KIAA1549L: variants seen among roughly 807,000 people sequenced by gnomAD.
The protein encoded by KIAA1549L is UPF0606 protein KIAA1549L.
Under a neutral mutation model 160.7 loss-of-function variants are expected in KIAA1549L, and 88 were observed. That is an observed-to-expected ratio of 0.55 (90% CI 0.46 to 0.65). The LOEUF (loss-of-function observed/expected upper bound fraction) is 0.65. KIAA1549L is among the 30% of genes least tolerant of loss of function. KIAA1549L has a pLI of 0.00. For synonymous variants in KIAA1549L, 950 were observed against 976.7 expected (o/e 0.97, Z 0.51); for missense variants, 2,258 against 2,437.5 (o/e 0.93, Z 1.55).
At chr11:33,549,249 A>T (rs1353904588) in intron 4 of KIAA1549L, among the ~76,000 whole-genome samples, 1 of 152,242 alleles carries the variant, frequency 6.6e-6, no homozygotes, top group African/African-American at 2.4e-5. Flanking sequence ...TTTGCCACAA[A>T]TAAAAGGTGA....
chr11:33,475,351 C>T (rs533679455), intron 1 of KIAA1549L, among the ~76,000 whole-genome samples: 2 of 152,258 alleles, frequency 1.3e-5, no homozygotes, highest in South Asian at 2.1e-4. Context: ...CGTTTAATGG[C>T]TCTTAAACAA....
chr11:33,376,220 A>C lies in KIAA1549L; in HGVS notation c.-432A>C, dbSNP rs1590207312. On this transcript the variant is annotated 5_prime_UTR_variant, in exon 1 of 21. Coordinates refer to ENST00000658780, the MANE Select transcript of KIAA1549L (RefSeq NM_012194.3). The surrounding 1 kb of genome is among the most constrained non-coding windows in gnomAD (Gnocchi z 5.8). The stretch of plus-strand genomic sequence containing the variant: ...GGAGCGAGGAGCGAGGAGCCAGGAC[A>C]GCGGGGCGCCGAGGCTGCAGCGGCG... Among the ~76,000 whole-genome samples, 1 of 149,234 alleles carries C rather than the reference A, an allele frequency of 6.7e-6. No homozygotes were observed. The highest frequency in any genetic ancestry group is 2.0e-4 in the East Asian group (1 of 5,060).
chr11:33,428,294 TA>T (rs1383993674), intron 1 of KIAA1549L, among the ~76,000 whole-genome samples: 1 of 152,252 alleles, frequency 6.6e-6, no homozygotes, highest in East Asian at 1.9e-4. Context: ...TGTCAACGTT[TA>T]TAATTTCCTG....
chr11:33,448,060 T>G (rs1241368167), intron 1 of KIAA1549L, among the ~76,000 whole-genome samples: 1 of 152,178 alleles, frequency 6.6e-6, no homozygotes, highest in East Asian at 1.9e-4. Context: ...TTCAATAACT[T>G]ATTTTTTTTA....
At chr11:33,613,377 T>C (rs1027518890) in intron 15 of KIAA1549L, among the ~76,000 whole-genome samples, 5 of 152,222 alleles carry the variant, frequency 3.3e-5, no homozygotes, top group South Asian at 2.1e-4. Flanking sequence ...TTTTTTCATA[T>C]GCTTGTTGGC....
At chr11:33,469,791 A>G (rs574514497) in intron 1 of KIAA1549L, among the ~76,000 whole-genome samples, 4 of 152,290 alleles carry the variant, frequency 2.6e-5, no homozygotes, top group East Asian at 3.9e-4. Flanking sequence ...ATCTTTTCAT[A>G]TGCGTAATGA....
intron 8 of KIAA1549L, among the ~76,000 whole-genome samples, chr11:33,563,121 G>T (rs1446901871): frequency 6.6e-6 from 1 of 151,888 alleles, no homozygotes; most frequent in African/African-American, 2.4e-5. Context: ...ACTTTGGGAG[G>T]CTGAGACAGT....
chr11:33,425,798 G>A (rs1851104607), intron 1 of KIAA1549L, among the ~76,000 whole-genome samples: 1 of 152,188 alleles, frequency 6.6e-6, no homozygotes, highest in Non-Finnish European at 1.5e-5. Context: ...CCAGTAATGA[G>A]ATGTGTCAAC....
intron 1 of KIAA1549L, among the ~76,000 whole-genome samples, chr11:33,506,335 G>A (rs1853087582): frequency 6.6e-6 from 1 of 152,204 alleles, no homozygotes; most frequent in Non-Finnish European, 1.5e-5. Flanking sequence ...CAAAGCACAT[G>A]CTGGGGCTGC....
At chr11:33,576,830 G>A in intron 10 of KIAA1549L, among the ~76,000 whole-genome samples, 1 of 152,156 alleles carries the variant, frequency 6.6e-6, no homozygotes, top group Non-Finnish European at 1.5e-5. Flanking sequence ...GGTTGGGATG[G>A]GAACAGGGGA....
chr11:33,434,293 A>G lies in KIAA1549L; in HGVS notation c.238+57404A>G, dbSNP rs189449544. Among the ~76,000 whole-genome samples, 132 of 152,266 alleles carry G rather than the reference A, an allele frequency of 8.7e-4. 1 individual carries two copies. The highest frequency in any genetic ancestry group is 3.4e-3 in the Middle Eastern group (1 of 294). ...GTTTTATAAATGGGAGTTCCCCTGCACAAGCTTTCTTGCCTACTGCCATGT... is the reference window on the plus strand; with the variant it reads ...GTTTTATAAATGGGAGTTCCCCTGCGCAAGCTTTCTTGCCTACTGCCATGT... On this transcript the variant is annotated intron_variant, in intron 1 of 20. Coordinates refer to ENST00000658780, the MANE Select transcript of KIAA1549L (RefSeq NM_012194.3).
chr11:33,392,321 A>G (rs1051912433), intron 1 of KIAA1549L, among the ~76,000 whole-genome samples: 7 of 152,204 alleles, frequency 4.6e-5, no homozygotes, highest in South Asian at 2.1e-4. Context: ...GCTTTATCAT[A>G]TATCTGTCTG....
At chr11:33,463,637 A>G (rs1163738954) in intron 1 of KIAA1549L, among the ~76,000 whole-genome samples, 1 of 152,222 alleles carries the variant, frequency 6.6e-6, no homozygotes, top group Non-Finnish European at 1.5e-5. Context: ...GTTGTGGATC[A>G]CAGATAATCT....
chr11:33,627,811 G>T (rs375340869), intron 16 of KIAA1549L, among the ~76,000 whole-genome samples: 35 of 151,524 alleles, frequency 2.3e-4, no homozygotes, highest in South Asian at 6.3e-4. Context: ...TTTTAGTTAT[G>T]TCTTGCCTTC....
At chr11:33,611,487 A>G (rs1415700864) in intron 15 of KIAA1549L, among the ~76,000 whole-genome samples, 1 of 152,166 alleles carries the variant, frequency 6.6e-6, no homozygotes, top group Admixed American at 6.5e-5. Flanking sequence ...TGCTTAATTT[A>G]CCATGCTTCT....
intron 8 of KIAA1549L, among the ~76,000 whole-genome samples, chr11:33,565,122 G>A (rs1188345515): frequency 6.6e-6 from 1 of 152,140 alleles, no homozygotes; most frequent in Non-Finnish European, 1.5e-5. Context: ...CGCCAGGTCT[G>A]AGCTTCTATG....
intron 1 of KIAA1549L, among the ~76,000 whole-genome samples, chr11:33,531,780 G>A (rs1340928284): frequency 3.3e-5 from 5 of 152,188 alleles, no homozygotes; most frequent in African/African-American, 7.2e-5. Context: ...AGGGTTTGGC[G>A]CCTAAGTGGG....
At chr11:33,517,027 T>G (rs955281156) in intron 1 of KIAA1549L, among the ~76,000 whole-genome samples, 19 of 152,256 alleles carry the variant, frequency 1.2e-4, no homozygotes, top group Admixed American at 4.6e-4. Context: ...TTCTCATTTA[T>G]TTTTACAAAT....
chr11:33,428,543 A>C (rs1207335490), intron 1 of KIAA1549L, among the ~76,000 whole-genome samples: 1 of 151,768 alleles, frequency 6.6e-6, no homozygotes, highest in Admixed American at 6.6e-5. Context: ...GAGTGAGAAC[A>C]TGTGGTGTTT....
Sources: allele counts gnomAD v4.1 joint callset (sites outside exome capture counted in the v4.1 genomes callset), GRCh38; gene constraint gnomAD v4.1.1; non-coding constraint Gnocchi (gnomAD v3.1); transcripts MANE v1.5; gene names NCBI Gene and HGNC (gene_info 2026-07-23, HGNC 2026-07-21).